DBN1: variants seen among roughly 807,000 people sequenced by gnomAD.
DBN1 encodes drebrin 1, also known as drebrin.
In DBN1, 21 loss-of-function variants were observed where a neutral mutation model predicts 83.5. The ratio of observed to expected loss-of-function variants is 0.25; its 90% CI spans 0.18 to 0.36. DBN1 has a LOEUF of 0.36. Among genes scored for constraint, DBN1 ranks in the 10% least tolerant of loss-of-function variants. The pLI, the probability that DBN1 is intolerant of heterozygous loss-of-function variation, is 1.00. For synonymous variants in DBN1, 381 were observed against 384.9 expected (o/e 0.99, Z 0.12); for missense variants, 874 against 935.7 (o/e 0.93, Z 0.86).
chr5:177,472,136 T>A, intron 1 of DBN1: 2 of 1,611,528 alleles, frequency 1.2e-6, no homozygotes, highest in Non-Finnish European at 1.7e-6. Context: ...ACACGAGAGC[T>A]TGTCTCTCGC....
intron 2 of DBN1, chr5:177,468,445 G>A: frequency 1.7e-6 from 1 of 582,036 alleles, no homozygotes; most frequent in Non-Finnish European, 3.1e-6. Flanking sequence ...TTGGGGGTAG[G>A]ACTGAGGAAG....
At chr5:177,473,147 G>C (rs1757973966) in intron 1 of DBN1, 1 of 151,478 alleles carries the variant, frequency 6.6e-6, no homozygotes, top group South Asian at 2.1e-4. Flanking sequence ...AGGGCCACGC[G>C]GCCCCGGGCC....
Position 177,457,231 on chromosome 5 carries a change from T to C in DBN1, c.*202A>G. ...GGAAAGCCAGTCAACTGTACAAGTC[T>C]CCTATCAACTTTTTAAAAAAAGAGA... On this transcript the variant is annotated 3_prime_UTR_variant, in exon 15 of 15. Transcript: ENST00000393565. 3 of 593,390 alleles carry C rather than the reference T, an allele frequency of 5.1e-6. No homozygotes were observed. The highest frequency in any genetic ancestry group is 9.0e-6 in the Non-Finnish European group (3 of 332,516). 36.8% of individuals were successfully genotyped at this position (593,390 alleles called of 1,614,324 possible).
chr5:177,459,997 G>A (rs1756894587), intron 10 of DBN1, among the ~76,000 whole-genome samples: 1 of 152,218 alleles, frequency 6.6e-6, no homozygotes, highest in African/African-American at 2.4e-5. Flanking sequence ...AGCAGACAGG[G>A]CAGGGAAGAG....
At chr5:177,472,377 G>A (rs775998435) in intron 1 of DBN1, 49 of 1,470,590 alleles carry the variant, frequency 3.3e-5, no homozygotes, top group Non-Finnish European at 4.4e-5. Flanking sequence ...AGGAGGCCTA[G>A]GAACCAGATG....
At chr5:177,472,523 G>T in intron 1 of DBN1, 1 of 780,400 alleles carries the variant, frequency 1.3e-6, no homozygotes, top group Non-Finnish European at 1.7e-6. Flanking sequence ...CCCTCCCCCA[G>T]CTCAGCGGGA....
In DBN1 at chr5:177,460,706, A is replaced by G. The variant is rs1276259797; in HGVS notation, c.772-3T>C. ...TCCTCCTCATCCCGATGGTCACCCTAGAAACCAAAGGGACAGTGTCTGGTG... is the reference window on the plus strand; with the variant it reads ...TCCTCCTCATCCCGATGGTCACCCTGGAAACCAAAGGGACAGTGTCTGGTG... On this transcript the variant is annotated splice_polypyrimidine_tract_variant and splice_region_variant and intron_variant, in intron 8 of 14. Transcript: ENST00000393565. 1 of 1,613,718 alleles carries G rather than the reference A, an allele frequency of 6.2e-7. No individual in the cohort carries two copies. The highest frequency in any genetic ancestry group is 1.7e-5 in the Admixed American group (1 of 60,004).
rs899819917 is a variant in DBN1 at position 177,457,131 on chromosome 5, G to A, written c.*302C>T. The A allele has an allele frequency of 2.3e-6, 1 of 440,012 alleles. No homozygotes were observed. Among genetic ancestry groups the A allele is most frequent in the Non-Finnish European group, 4.1e-6 (1 of 242,440 alleles). The allele number at this position is 440,012 out of a possible 1,614,324, so 27.3% of individuals were successfully genotyped here. ...GCCTCCAACCCGGCCAGCTGAGCAGGGAGGACTAAGAGCTACAATCTGGAC... is the reference window on the plus strand; with the variant it reads ...GCCTCCAACCCGGCCAGCTGAGCAGAGAGGACTAAGAGCTACAATCTGGAC... On this transcript the variant is annotated 3_prime_UTR_variant, in exon 15 of 15. Coordinates refer to ENST00000393565, the MANE Select transcript of DBN1 (RefSeq NM_001363541.2).
At position 177,466,607 on chromosome 5, in the gene DBN1, TGA is replaced by T. The variant is rs1757457614; in HGVS notation, c.771+163_771+164del. ...CACGGCCAGAGGCCAGAGCCCCACG[TGA>T]TGAGGTGCCAGGCCTCATGCTCCAT... On this transcript the variant is annotated intron_variant, in intron 8 of 14. Coordinates refer to ENST00000393565, the MANE Select transcript of DBN1 (RefSeq NM_001363541.2). The surrounding 1 kb of genome is among the most constrained non-coding windows in gnomAD (Gnocchi z 4.8). Among the ~76,000 whole-genome samples the T allele has an allele frequency of 6.6e-6, 1 of 152,140 alleles. No individual in the cohort carries two copies. Among genetic ancestry groups the T allele is most frequent in the Non-Finnish European group, 1.5e-5 (1 of 68,008 alleles).
At position 177,457,714 on chromosome 5, in the gene DBN1, G is replaced by A. The variant is rs779857635; in HGVS notation, c.1958C>T (p.Ala653Val). Residue 653 changes from alanine to valine, a missense_variant, in exon 14 of 15, where the codon GCC (alanine) becomes GTC (valine). This residue lies in a region of DBN1 where 725 missense variants were observed against 719.7 expected (regional missense o/e 1.01). Transcript: ENST00000393565. Reference sequence around the variant, plus strand: ...CTTGGCACAGAGCTCTTCCGATTGGGCAAACTCCTCCTCCTGTGATTGACT... The same window carrying A: ...CTTGGCACAGAGCTCTTCCGATTGGACAAACTCCTCCTCCTGTGATTGACT... ...YFSQSQEEEF[A>V]QSEELCAKAP... 80 of 1,612,390 alleles carry A rather than the reference G, an allele frequency of 5.0e-5. No homozygotes were observed. The highest frequency in any genetic ancestry group is 2.2e-4 in the Admixed American group (13 of 59,962).
Position 177,458,082 on chromosome 5 carries a change from C to G in DBN1, c.1890G>C (p.Glu630Asp). ...CCTGGGTCCCCTCCTTCTGGGTGGT[C>G]TCGCCATTGGTTAGCAGGTGGGGCT... ...EPEPHLLTNG[E>D]TTQKEGTQAS... The change falls in exon 13 of 15, where the codon GAG becomes GAC. Residue 630 changes from glutamate (E) to aspartate (D), a missense_variant. Physicochemically the swap from Glu to Asp is conservative, Grantham distance 45. This residue lies in a region of DBN1 where 725 missense variants were observed against 719.7 expected (regional missense o/e 1.01). Transcript: ENST00000393565. 6.2e-7 allele frequency: 1 copy of G among 1,613,846 alleles called. No individual in the cohort carries two copies. Among genetic ancestry groups the G allele is most frequent in the Non-Finnish European group, 8.5e-7 (1 of 1,180,016 alleles).
rs200048915 is a variant in DBN1 at position 177,460,563 on chromosome 5, C to A, written c.832-8G>T. ...AATAATAGCTGCTGCCTCCTGAGGG[C>A]ACGAGGAAAAGGTTGGGGCTGGGCC... On this transcript the variant is annotated splice_polypyrimidine_tract_variant and splice_region_variant and intron_variant, in intron 9 of 14. Transcript: ENST00000393565. 45 of 1,614,152 alleles carry A rather than the reference C, an allele frequency of 2.8e-5. No homozygotes were observed. The African/African-American group carries it at 4.3e-4, about 15-fold the overall frequency.
At chr5:177,463,111 A>G (rs1013308230) in intron 8 of DBN1, among the ~76,000 whole-genome samples, 6 of 150,820 alleles carry the variant, frequency 4.0e-5, no homozygotes, top group Admixed American at 6.6e-5. Context: ...ATCTCGGCTC[A>G]CTGCAAGCTC....
In DBN1 at chr5:177,467,728, GC is replaced by G; in HGVS notation, c.330+14del. 1 of 1,552,722 alleles carries G rather than the reference GC, an allele frequency of 6.4e-7. No homozygotes were observed. The highest frequency in any genetic ancestry group is 8.7e-7 in the Non-Finnish European group (1 of 1,147,936). ...GCTGTCCCCACCCCCAAGAGCGCTG[GC>G]CCCTGACACGCACCTGGAAGAACTC... is the stretch of plus-strand genomic sequence containing the variant. On this transcript the variant is annotated intron_variant, in intron 4 of 14. Coordinates refer to ENST00000393565, the MANE Select transcript of DBN1 (RefSeq NM_001363541.2). This position sits in a 1 kb window ranked among gnomAD's most constrained non-coding sequence, Gnocchi z 9.1.
Position 177,473,587 on chromosome 5 carries a change from G to T in DBN1, c.-66C>A. 1 of 1,135,824 alleles carries T rather than the reference G, an allele frequency of 8.8e-7. No homozygotes were observed. The highest frequency in any genetic ancestry group is 1.1e-6 in the Non-Finnish European group (1 of 885,700). 70.4% of individuals were successfully genotyped at this position (1,135,824 alleles called of 1,614,324 possible). On this transcript the variant is annotated 5_prime_UTR_variant, in exon 1 of 15. Transcript: ENST00000393565. ...GGACGGGCGGACGGAGGAGGAGGGA[G>T]GGAAAGAGGGAGTCGCCGCCGCCGC...
rs1043051031 is a variant in DBN1, at chr5:177,466,289, C to T, written c.771+483G>A. ...CTCAGGGACCAATCCACAGGACCTA[C>T]GGGCCATTCCCAATGTGTGGAGATT... On this transcript the variant is annotated intron_variant, in intron 8 of 14. Coordinates refer to ENST00000393565, the MANE Select transcript of DBN1 (RefSeq NM_001363541.2). The surrounding 1 kb of genome is among the most constrained non-coding windows in gnomAD (Gnocchi z 4.8). 3.3e-5 allele frequency among the ~76,000 whole-genome samples: 5 copies of T among 152,342 alleles called. No individual in the cohort carries two copies. Among genetic ancestry groups the T allele is most frequent in the South Asian group, 2.1e-4 (1 of 4,830 alleles).
chr5:177,473,311 C>CGGCCCGCTGCACCATTTCGGG (rs2127406102), intron 1 of DBN1, 125 bp downstream of exon 1: 2 of 499,378 alleles, frequency 4.0e-6, no homozygotes, highest in African/African-American at 2.0e-5. Flanking sequence ...CCGGCCCTCC[C>CGGCCCGCTGCACCATTTCGGG]GGCCCGCTGC....
intron 1 of DBN1, chr5:177,472,393 C>T: frequency 6.9e-7 from 1 of 1,453,274 alleles, no homozygotes; most frequent in Non-Finnish European, 9.0e-7. Context: ...AGATGGGCAC[C>T]TTCCCTAGAA....
chr5:177,471,189 G>T (rs1757819406), intron 1 of DBN1, among the ~76,000 whole-genome samples: 2 of 152,058 alleles, frequency 1.3e-5, no homozygotes, highest in African/African-American at 4.8e-5. Context: ...GGAGTCGGGG[G>T]CTGAGGGCAG....
Sources: allele counts gnomAD v4.1 joint callset (sites outside exome capture counted in the v4.1 genomes callset), GRCh38; gene constraint gnomAD v4.1.1; regional missense constraint gnomAD v4.1.1; non-coding constraint Gnocchi (gnomAD v3.1); transcripts MANE v1.5; gene names NCBI Gene and HGNC (gene_info 2026-07-23, HGNC 2026-07-21).